The following ANGPT1 variants were observed in gnomAD, a reference collection of about 807,000 sequenced individuals.
ANGPT1 encodes the protein angiopoietin-1.
ANGPT1 carries 17 observed loss-of-function variants against 62.2 expected under a neutral mutation model. That is an observed-to-expected ratio of 0.27 (90% CI 0.19 to 0.41). The LOEUF (loss-of-function observed/expected upper bound fraction) is 0.41, where lower values mean the gene tolerates loss of function less well. Among genes scored for constraint, ANGPT1 ranks in the 10% least tolerant of loss-of-function variants. The pLI, the probability that ANGPT1 is intolerant of heterozygous loss-of-function variation, is 1.00. For missense variants in ANGPT1, 478 were observed against 594.9 expected, an observed-to-expected ratio of 0.80 and a Z score of 2.04; for synonymous variants, 199 against 198.9, an observed-to-expected ratio of 1.00 and a Z score of 0.00.
At chr8:107,463,402 A>G (rs897938673) in intron 1 of ANGPT1, among the ~76,000 whole-genome samples, 1 of 152,158 alleles carries the variant, frequency 6.6e-6, no homozygotes, top group African/African-American at 2.4e-5. Context: ...TCAGATAATA[A>G]ATGTGTGTTG....
At chr8:107,341,103 G>A (rs1815687000) in intron 2 of ANGPT1, among the ~76,000 whole-genome samples, 1 of 152,256 alleles carries the variant, frequency 6.6e-6, no homozygotes, top group African/African-American at 2.4e-5. Flanking sequence ...GTGATATGGA[G>A]GTTATAACCC....
intron 1 of ANGPT1, among the ~76,000 whole-genome samples, chr8:107,480,156 C>G (rs545868487): frequency 6.6e-6 from 1 of 152,064 alleles, no homozygotes. Context: ...GGTGACTGTT[C>G]CAGTCACTGC....
intron 7 of ANGPT1, among the ~76,000 whole-genome samples, chr8:107,280,437 G>A (rs976708050): frequency 6.6e-6 from 1 of 152,114 alleles, no homozygotes; most frequent in African/African-American, 2.4e-5. Context: ...ACATTTCCCG[G>A]AAGTGGAAGA....
At chr8:107,457,140 G>GA (rs200741193) in intron 1 of ANGPT1, among the ~76,000 whole-genome samples, 2,642 of 152,056 alleles carry the variant, frequency 0.017, 24 homozygotes, top group Non-Finnish European at 0.028. Flanking sequence ...CAATATTTAT[G>GA]ACATATTTTT....
In ANGPT1 at chr8:107,497,901, A is replaced by T; in HGVS notation, c.-343T>A. 4.5e-6 allele frequency: 2 copies of T among 441,136 alleles called. No individual in the cohort carries two copies. Among genetic ancestry groups the T allele is most frequent in the Non-Finnish European group, 7.9e-6 (2 of 251,820 alleles). 27.3% of individuals were successfully genotyped at this position (441,136 alleles called of 1,614,324 possible). A position where few individuals can be genotyped will look rare whatever the true frequency, so the allele number is the denominator to read the frequency against. On this transcript the variant is annotated 5_prime_UTR_variant, in exon 1 of 9. Transcript: ENST00000517746. ...TATTCTAGACCCTTTCCTCTACCCT[A>T]TCTGCTGCAGATCTGCTATTTTCTC...
chr8:107,365,441 T>G (rs1393928802), intron 1 of ANGPT1, among the ~76,000 whole-genome samples: 1 of 152,162 alleles, frequency 6.6e-6, no homozygotes, highest in African/African-American at 2.4e-5. Flanking sequence ...GATGCTTGCT[T>G]GCTATATAAA....
intron 4 of ANGPT1, among the ~76,000 whole-genome samples, chr8:107,319,283 C>A (rs1185632571): frequency 6.6e-6 from 1 of 152,106 alleles, no homozygotes; most frequent in Non-Finnish European, 1.5e-5. Context: ...AGCTCATTAA[C>A]ATTTTTTTAG....
chr8:107,378,345 T>G (rs1463515815), intron 1 of ANGPT1, among the ~76,000 whole-genome samples: 2 of 152,194 alleles, frequency 1.3e-5, no homozygotes, highest in South Asian at 2.1e-4. Context: ...TTTAGAAATA[T>G]TACCAACTCT....
chr8:107,296,324 C>T (rs1013396883), intron 5 of ANGPT1, among the ~76,000 whole-genome samples: 7 of 151,548 alleles, frequency 4.6e-5, no homozygotes, highest in Non-Finnish European at 7.4e-5. Context: ...TAGCCTGTAG[C>T]GGGTACTGAA....
chr8:107,303,963 G>A (rs1294130952), intron 4 of ANGPT1, among the ~76,000 whole-genome samples: 3 of 151,944 alleles, frequency 2.0e-5, no homozygotes, highest in Admixed American at 1.3e-4. Context: ...AATTAGATTT[G>A]GGAAGTAGAA....
chr8:107,394,422 A>C (rs1816895049), intron 1 of ANGPT1, among the ~76,000 whole-genome samples: 1 of 152,206 alleles, frequency 6.6e-6, no homozygotes. Context: ...TCCAGACAGA[A>C]GGCCAGGAGG....
intron 1 of ANGPT1, among the ~76,000 whole-genome samples, chr8:107,388,559 T>C (rs1586280846): frequency 6.6e-6 from 1 of 152,310 alleles, no homozygotes; most frequent in East Asian, 1.9e-4. Context: ...TCTTAGCTCG[T>C]TGTCATTTGA....
chr8:107,487,527 G>A (rs1812845485), intron 1 of ANGPT1, among the ~76,000 whole-genome samples: 2 of 150,500 alleles, frequency 1.3e-5, no homozygotes. Context: ...TATATTAAGC[G>A]GCCGTGCGTC....
At chr8:107,493,491 A>G (rs1256573824) in intron 1 of ANGPT1, among the ~76,000 whole-genome samples, 1 of 150,534 alleles carries the variant, frequency 6.6e-6, no homozygotes, top group African/African-American at 2.4e-5. Flanking sequence ...ATAATTAATA[A>G]CCACCTACTC....
chr8:107,322,226 T>C, intron 3 of ANGPT1, 98 bp from the exon 4 acceptor site: 1 of 855,444 alleles, frequency 1.2e-6, no homozygotes, highest in East Asian at 2.7e-5. Flanking sequence ...AGATGAGAAA[T>C]TTTACATTTC....
intron 6 of ANGPT1, among the ~76,000 whole-genome samples, chr8:107,289,962 T>C (rs1157141527): frequency 6.6e-6 from 1 of 152,114 alleles, no homozygotes; most frequent in African/African-American, 2.4e-5. Flanking sequence ...AGCTAATATC[T>C]TCCCTAAGTG....
intron 7 of ANGPT1, among the ~76,000 whole-genome samples, chr8:107,271,950 C>T (rs1416918869): frequency 6.6e-6 from 1 of 150,942 alleles, no homozygotes. Flanking sequence ...TCCATGCCAA[C>T]CTAGCCTTTA....
intron 1 of ANGPT1, among the ~76,000 whole-genome samples, chr8:107,438,064 G>T (rs28704648): frequency 0.087 from 13,257 of 152,060 alleles, 1,909 homozygotes; most frequent in African/African-American, 0.3. Flanking sequence ...CTAAGCATCC[G>T]ATAGGTGCCA....
rs1181596181 is a variant in ANGPT1 at position 107,250,116 on chromosome 8, TAG to T, written c.*1737_*1738del. The T allele has an allele frequency of 6.6e-6, 1 of 152,364 alleles. No individual in the cohort carries two copies. Among genetic ancestry groups the T allele is most frequent in the African/African-American group, 2.4e-5 (1 of 41,460 alleles). 9.4% of individuals were successfully genotyped at this position (152,364 alleles called of 1,614,324 possible). ...TCAAATGGAGGAAACCATTAAGGCA[TAG>T]TGGATCAAGTCACCAAGTTTGAAAC... On this transcript the variant is annotated 3_prime_UTR_variant, in exon 9 of 9. Coordinates refer to ENST00000517746, the MANE Select transcript of ANGPT1 (RefSeq NM_001146.5).
Sources: gnomAD v4.1 joint callset for allele counts (sites outside exome capture counted in the v4.1 genomes callset) on GRCh38, gnomAD v4.1.1 for gene constraint, MANE v1.5 for transcripts, NCBI Gene and HGNC (gene_info 2026-07-23, HGNC 2026-07-21) for gene names.